The following DOCK2 variants were observed in gnomAD, a reference collection of about 807,000 sequenced individuals.
DOCK2 encodes the protein dedicator of cytokinesis protein 2.
In DOCK2, 87 loss-of-function variants were observed where a neutral mutation model predicts 248.9. The observed-to-expected ratio is 0.35, with a 90% CI of 0.29 to 0.42. The LOEUF (loss-of-function observed/expected upper bound fraction) is 0.42, where lower values mean the gene tolerates loss of function less well. Ranked by LOEUF, DOCK2 falls within the 10% of genes least tolerant of loss-of-function variation. The pLI is 1.00. For synonymous variants in DOCK2, 805 were observed against 821.6 expected, an observed-to-expected ratio of 0.98 and a Z score of 0.35; for missense variants, 1,747 against 2,300.2, an observed-to-expected ratio of 0.76 and a Z score of 4.92.
At chr5:169,664,721 G>A (rs966972405) in intron 2 of DOCK2, among the ~76,000 whole-genome samples, 1 of 152,134 alleles carries the variant, frequency 6.6e-6, no homozygotes, top group Non-Finnish European at 1.5e-5. Context: ...CACCAGAACA[G>A]CATGAGGGAA....
chr5:169,852,509 C>T (rs995819706), intron 27 of DOCK2, among the ~76,000 whole-genome samples: 1 of 152,154 alleles, frequency 6.6e-6, no homozygotes, highest in African/African-American at 2.4e-5. Flanking sequence ...GGGAGGAGGT[C>T]TCCTCATTCC....
intron 44 of DOCK2, among the ~76,000 whole-genome samples, chr5:170,064,333 C>A (rs1275240977): frequency 6.6e-6 from 1 of 151,898 alleles, no homozygotes; most frequent in Non-Finnish European, 1.5e-5. Context: ...AGCAGGGAAT[C>A]CAAATAATGC....
intron 13 of DOCK2, among the ~76,000 whole-genome samples, chr5:169,700,874 C>T (rs919793154): frequency 1.1e-4 from 16 of 145,416 alleles, no homozygotes; most frequent in East Asian, 4.0e-4. Flanking sequence ...GGGCGGCGGG[C>T]GGGGGCAGGG....
Position 170,025,075 on chromosome 5 carries a change from G to A in DOCK2, c.3382-2788G>A, listed in dbSNP as rs149228317. Among the ~76,000 whole-genome samples, 19 of 152,266 alleles carry A rather than the reference G, an allele frequency of 1.2e-4. No homozygotes were observed. In the East Asian group the frequency reaches 2.5e-3, roughly 20 times the overall value. On this transcript the variant is annotated intron_variant, in intron 33 of 51. Coordinates refer to ENST00000520908, the MANE Select transcript of DOCK2 (RefSeq NM_004946.3). ...CCTGCGCTGCTTTCTAGTAACATTC[G>A]GCAGTAATAACAATAACATTAGTGG...
intron 40 of DOCK2, among the ~76,000 whole-genome samples, chr5:170,048,621 C>T (rs893963902): frequency 2.0e-5 from 3 of 152,182 alleles, no homozygotes; most frequent in African/African-American, 7.2e-5. Context: ...ATCACGCAGC[C>T]TCAGAAAGCT....
At chr5:169,957,538 CT>C (rs1470131544) in intron 27 of DOCK2, among the ~76,000 whole-genome samples, 1 of 152,178 alleles carries the variant, frequency 6.6e-6, no homozygotes, top group Admixed American at 6.5e-5. Flanking sequence ...CAGGTGACTG[CT>C]CCAGGTCACA....
At chr5:170,047,653 C>G in intron 40 of DOCK2, 39 bp downstream of exon 40, 1 of 1,576,034 alleles carries the variant, frequency 6.3e-7, no homozygotes, top group Non-Finnish European at 8.7e-7. Context: ...GCGAGAGCCC[C>G]AGGGCCTCGG....
rs1769912378 is a variant in DOCK2, at chr5:169,840,798, G to A, written c.2745G>A (p.Leu915=). 2 of 1,614,028 alleles carry A rather than the reference G, an allele frequency of 1.2e-6. No homozygotes were observed. Among genetic ancestry groups the A allele is most frequent in the Non-Finnish European group, 1.7e-6 (2 of 1,179,974 alleles). ...YHHIQEIMVQ[L]LRTVNRTVIT... ...ATATCCAGGAGATCATGGTCCAGCT[G>A]CTGCGGACAGTGAACCGGACAGTCA... The change falls in exon 27 of 52, where the codon CTG becomes CTA. Residue 915 remains leucine (L), a synonymous_variant. Coordinates refer to ENST00000520908, the MANE Select transcript of DOCK2 (RefSeq NM_004946.3).
intron 32 of DOCK2, among the ~76,000 whole-genome samples, chr5:170,012,184 G>A (rs1383240262): frequency 6.6e-6 from 1 of 152,154 alleles, no homozygotes; most frequent in East Asian, 1.9e-4. Flanking sequence ...TTTTCAAAGT[G>A]TATGCATATT....
At chr5:169,867,646 AT>A in intron 27 of DOCK2, among the ~76,000 whole-genome samples, 2 of 151,598 alleles carry the variant, frequency 1.3e-5, no homozygotes, top group African/African-American at 4.9e-5. Context: ...CTATCTATCT[AT>A]CTACCTCTAG....
At chr5:169,989,676 A>C (rs1198059029) in intron 29 of DOCK2, among the ~76,000 whole-genome samples, 1 of 152,224 alleles carries the variant, frequency 6.6e-6, no homozygotes, top group African/African-American at 2.4e-5. Flanking sequence ...GCCTGGATTC[A>C]AATTCCATCT....
At position 169,881,984 on chromosome 5, in the gene DOCK2, G is replaced by A. The variant is rs540207412; in HGVS notation, c.2799+41132G>A. Among the ~76,000 whole-genome samples, 4 of 152,312 alleles carry A rather than the reference G, an allele frequency of 2.6e-5. No individual in the cohort carries two copies. The South Asian group carries it at 8.3e-4, about 32-fold the overall frequency. Reference sequence around the variant, plus strand: ...GCTGAGTCACCCAGGAAAGCATTTTGTGACTTTTTTTCTCTTTGCCGAAAA... The same window carrying A: ...GCTGAGTCACCCAGGAAAGCATTTTATGACTTTTTTTCTCTTTGCCGAAAA... On this transcript the variant is annotated intron_variant, in intron 27 of 51. Coordinates refer to ENST00000520908, the MANE Select transcript of DOCK2 (RefSeq NM_004946.3).
chr5:170,055,454 G>C, intron 42 of DOCK2, 68 bp downstream of exon 42: 1 of 1,462,020 alleles, frequency 6.8e-7, no homozygotes, highest in Non-Finnish European at 9.6e-7. Flanking sequence ...AAACTGAGCT[G>C]GTGGCAGAAC....
At chr5:169,771,896 A>G (rs959272721) in intron 25 of DOCK2, among the ~76,000 whole-genome samples, 1 of 152,120 alleles carries the variant, frequency 6.6e-6, no homozygotes, top group Admixed American at 6.5e-5. Context: ...TTATCTACAG[A>G]GTTTATGTTT....
At chr5:169,710,678 T>A (rs410863) in intron 15 of DOCK2, among the ~76,000 whole-genome samples, 111,066 of 152,076 alleles carry the variant, frequency 0.73, 40,857 homozygotes, top group East Asian at 0.97. Context: ...AGATGCACAC[T>A]TGACTTCCTT....
At chr5:170,006,398 C>T (rs948309745) in intron 30 of DOCK2, among the ~76,000 whole-genome samples, 2 of 152,090 alleles carry the variant, frequency 1.3e-5, no homozygotes, top group Non-Finnish European at 1.5e-5. Context: ...CTGCAGCCTC[C>T]GCCTCCTGGG....
Position 169,712,236 on chromosome 5 carries a change from G to A in DOCK2, c.1659+13G>A. On this transcript the variant is annotated intron_variant, in intron 17 of 51. Coordinates refer to ENST00000520908, the MANE Select transcript of DOCK2 (RefSeq NM_004946.3). Reference sequence around the variant, plus strand: ...AGTTGTCCTCAAGGTACCATGAGTTGGAAGGAGCTCTGCACTGAGGGGAGT... The same window carrying A: ...AGTTGTCCTCAAGGTACCATGAGTTAGAAGGAGCTCTGCACTGAGGGGAGT... The A allele has an allele frequency of 1.2e-6, 2 of 1,613,050 alleles. No homozygotes were observed. Among genetic ancestry groups the A allele is most frequent in the Non-Finnish European group, 1.7e-6 (2 of 1,179,110 alleles).
intron 9 of DOCK2, among the ~76,000 whole-genome samples, chr5:169,691,019 T>C (rs1448175201): frequency 6.6e-6 from 1 of 152,192 alleles, no homozygotes; most frequent in Admixed American, 6.5e-5. Flanking sequence ...AGAGCTTTAA[T>C]TGGCTCATGG....
intron 41 of DOCK2, among the ~76,000 whole-genome samples, chr5:170,053,445 C>T (rs1448281659): frequency 6.6e-6 from 1 of 152,198 alleles, no homozygotes; most frequent in African/African-American, 2.4e-5. Flanking sequence ...TGGACACTAA[C>T]ATTTGAACTT....
Sources: allele counts gnomAD v4.1 joint callset (sites outside exome capture counted in the v4.1 genomes callset), GRCh38; gene constraint gnomAD v4.1.1; transcripts MANE v1.5; gene names NCBI Gene and HGNC (gene_info 2026-07-23, HGNC 2026-07-21).